OPHN1: variants seen among roughly 807,000 people sequenced by gnomAD.
OPHN1 encodes oligophrenin-1.
OPHN1 carries 11 observed loss-of-function variants against 60.7 expected under a neutral mutation model. The observed-to-expected ratio is 0.18, with a 90% CI of 0.11 to 0.30. OPHN1 has a LOEUF of 0.30. Ranked by LOEUF, OPHN1 falls within the 10% of genes least tolerant of loss-of-function variation. The pLI, the probability that OPHN1 is intolerant of heterozygous loss-of-function variation, is 1.00. For missense variants in OPHN1, 449 were observed against 611.0 expected (o/e 0.73, Z 2.80); for synonymous variants, 226 against 222.6 (o/e 1.02, Z -0.14).
At chrX:68,084,344 A>AAGGGAGAGGGAGGAACGG (rs1421006922) in intron 19 of OPHN1, among the ~76,000 whole-genome samples, 1 of 50,722 alleles carries the variant, frequency 2.0e-5, no homozygotes, top group African/African-American at 8.3e-5. Context: ...GGAGGGAGAG[A>AAGGGAGAGGGAGGAACGG]GGGGAGAGGG....
At chrX:68,144,194 A>T (rs774792092) in intron 15 of OPHN1, among the ~76,000 whole-genome samples, 2 of 109,191 alleles carry the variant, frequency 1.8e-5, no homozygotes, top group Admixed American at 9.8e-5. Context: ...ATTTTTTTTA[A>T]TTTTTTTATT....
intron 15 of OPHN1, among the ~76,000 whole-genome samples, chrX:68,146,644 T>A (rs978983033): frequency 7.1e-5 from 8 of 112,696 alleles, no homozygotes; most frequent in Non-Finnish European, 1.3e-4. Flanking sequence ...CAGAGGGGCC[T>A]AGGAAAGCTT....
chrX:68,127,712 G>A (rs1202866976), intron 15 of OPHN1, among the ~76,000 whole-genome samples: 1 of 112,104 alleles, frequency 8.9e-6, no homozygotes, highest in Non-Finnish European at 1.9e-5. Flanking sequence ...AAGGATGTCT[G>A]CTATCACTAG....
chrX:68,264,052 T>C (rs1171144496), intron 5 of OPHN1, among the ~76,000 whole-genome samples: 1 of 111,328 alleles, frequency 9.0e-6, no homozygotes, highest in African/African-American at 3.3e-5. Context: ...TGGCTACCCA[T>C]ATGTAGGCAG....
chrX:68,191,699 G>A (rs918301522), intron 15 of OPHN1, among the ~76,000 whole-genome samples: 1 of 111,956 alleles, frequency 8.9e-6, no homozygotes, highest in Non-Finnish European at 1.9e-5. Flanking sequence ...TGCAGCAGAT[G>A]GAGTGGGAAC....
chrX:68,317,539 AAAAGAAAGAAAG>A (rs762679584), intron 2 of OPHN1, among the ~76,000 whole-genome samples: 42 of 58,922 alleles, frequency 7.1e-4, no homozygotes, highest in Admixed American at 3.5e-3. Flanking sequence ...AAGAAAGAAA[AAAAGAAAGAAAG>A]AAAGAAAGAA....
intron 21 of OPHN1, among the ~76,000 whole-genome samples, chrX:68,058,099 C>A (rs1410437954): frequency 9.0e-6 from 1 of 111,726 alleles, no homozygotes; most frequent in East Asian, 2.8e-4. Context: ...TTAGACCCAG[C>A]TGACTTTTAT....
chrX:68,374,321 A>C (rs1301575062), intron 2 of OPHN1, among the ~76,000 whole-genome samples: 1 of 105,154 alleles, frequency 9.5e-6, no homozygotes, highest in Non-Finnish European at 1.9e-5. Flanking sequence ...ACGCCACTGC[A>C]CTCCAGGCTG....
intron 15 of OPHN1, among the ~76,000 whole-genome samples, chrX:68,137,915 GAC>G (rs199804543): frequency 9.0e-6 from 1 of 111,538 alleles, no homozygotes; most frequent in Non-Finnish European, 1.9e-5. Flanking sequence ...CTAAGGAGGA[GAC>G]ACACACACAA....
intron 6 of OPHN1, among the ~76,000 whole-genome samples, chrX:68,222,855 AG>A (rs1469777340): frequency 0.14 from 1 of 7 alleles, no homozygotes; most frequent in African/African-American, 0.25. Context: ...GTGCAGCGCC[AG>A]CCATGGCACA....
At chrX:68,426,699 CAAAAAAAA>C (rs778079057) in intron 2 of OPHN1, among the ~76,000 whole-genome samples, 3 of 36,716 alleles carry the variant, frequency 8.2e-5, no homozygotes, top group Admixed American at 8.8e-4. Context: ...CGCATCTCTC[CAAAAAAAA>C]AAAAAAAAAA....
intron 6 of OPHN1, among the ~76,000 whole-genome samples, chrX:68,217,274 TCCTACG>T (rs1426905409): frequency 8.9e-6 from 1 of 111,867 alleles, no homozygotes; most frequent in Non-Finnish European, 1.9e-5. Flanking sequence ...GCTCGGAGGA[TCCTACG>T]CCCACGCAGT....
At chrX:68,353,013 G>A (rs184012835) in intron 2 of OPHN1, among the ~76,000 whole-genome samples, 3 of 108,983 alleles carry the variant, frequency 2.8e-5, no homozygotes, top group Admixed American at 9.9e-5. Flanking sequence ...TTAGCCAGGC[G>A]TGGTGGCTTG....
At chrX:68,420,191 GAT>G (rs1484412180) in intron 2 of OPHN1, among the ~76,000 whole-genome samples, 1 of 111,781 alleles carries the variant, frequency 8.9e-6, no homozygotes, top group Non-Finnish European at 1.9e-5. Context: ...GAAGGCCCCA[GAT>G]GTCTTCTTGA....
At position 68,193,972 on chromosome X, in the gene OPHN1, A is replaced by C. The variant is rs1569239361; in HGVS notation, c.1139-20T>G. 1 of 1,178,743 alleles carries C rather than the reference A, an allele frequency of 8.5e-7. No individual in the cohort carries two copies. The highest frequency in any genetic ancestry group is 1.2e-6 in the Non-Finnish European group (1 of 865,481). On this transcript the variant is annotated intron_variant, in intron 13 of 24. Coordinates refer to ENST00000355520, the MANE Select transcript of OPHN1 (RefSeq NM_002547.3). ...GCTCCACTGTTTCAAGCAAAGGAAA[A>C]GAGTTAGATCCTGCTGCAACAGGTG...
intron 15 of OPHN1, among the ~76,000 whole-genome samples, chrX:68,191,828 G>C (rs1327724907): frequency 5.4e-5 from 6 of 111,426 alleles, no homozygotes; most frequent in Non-Finnish European, 1.1e-4. Context: ...TGTGGAAAAA[G>C]AGCTCAACAA....
At chrX:68,432,285 A>G (rs1203270178) in intron 2 of OPHN1, among the ~76,000 whole-genome samples, 1 of 111,847 alleles carries the variant, frequency 8.9e-6, no homozygotes, top group East Asian at 2.8e-4. Context: ...CCATCCAATA[A>G]TCCTGAACTT....
At chrX:68,230,277 A>G (rs1300821956) in intron 6 of OPHN1, among the ~76,000 whole-genome samples, 1 of 111,591 alleles carries the variant, frequency 9.0e-6, no homozygotes, top group Non-Finnish European at 1.9e-5. Context: ...GGTGCTGGAG[A>G]GGATGTGGAG....
chrX:68,433,186 T>A lies in OPHN1; in HGVS notation c.-23A>T. 1 of 507,480 alleles carries A rather than the reference T, an allele frequency of 2.0e-6. No homozygotes were observed. The highest frequency in any genetic ancestry group is 3.2e-6 in the Non-Finnish European group (1 of 316,409). The allele number at this position is 507,480 out of a possible 1,213,427, so 41.8% of individuals were successfully genotyped here. On this transcript the variant is annotated 5_prime_UTR_variant, in exon 1 of 25. Transcript: ENST00000355520. ...CAGGTACCTGTTTCAGTGAGACTCC[T>A]GAGGAGCGCTGGCTGGTCCGGACAG... is the stretch of plus-strand genomic sequence containing the variant.
Sources: allele counts gnomAD v4.1 joint callset (sites outside exome capture counted in the v4.1 genomes callset), GRCh38; gene constraint gnomAD v4.1.1; transcripts MANE v1.5; gene names NCBI Gene and HGNC (gene_info 2026-07-23, HGNC 2026-07-21).